Variants in ATAD1 observed in about 807,000 individuals in gnomAD.
The protein encoded by ATAD1 is outer mitochondrial transmembrane helix translocase.
ATAD1 carries 18 observed loss-of-function variants against 42.7 expected under a neutral mutation model. The observed-to-expected ratio is 0.42, with a 90% confidence interval of 0.29 to 0.63. ATAD1 has a LOEUF of 0.63. ATAD1 is among the 20% of genes least tolerant of loss of function. The probability of loss-of-function intolerance (pLI) is 0.19; values close to 1 mark genes in which losing one functional copy is unlikely to be tolerated. For missense variants in ATAD1, 294 were observed against 440.4 expected (o/e 0.67, Z 2.98); for synonymous variants, 132 against 143.1 (o/e 0.92, Z 0.55).
At chr10:87,827,126 T>G (rs1857744912) in intron 1 of ATAD1, among the ~76,000 whole-genome samples, 1 of 152,262 alleles carries the variant, frequency 6.6e-6, no homozygotes, top group Non-Finnish European at 1.5e-5. Context: ...GGATGCAGAT[T>G]ATGGCTGTTT....
intron 9 of ATAD1, among the ~76,000 whole-genome samples, chr10:87,755,770 A>T (rs562458648): frequency 2.0e-5 from 3 of 152,164 alleles, no homozygotes; most frequent in East Asian, 3.9e-4. Context: ...TTAGCCGGGC[A>T]TGGTGATGGG....
intron 5 of ATAD1, among the ~76,000 whole-genome samples, chr10:87,780,171 A>G (rs1366113288): frequency 6.6e-6 from 1 of 152,184 alleles, no homozygotes; most frequent in African/African-American, 2.4e-5. Flanking sequence ...TGTGGAGGAA[A>G]CTTAAATGCA....
At chr10:87,762,897 C>T (rs1181380718) in intron 8 of ATAD1, among the ~76,000 whole-genome samples, 2 of 94,620 alleles carry the variant, frequency 2.1e-5, no homozygotes, top group African/African-American at 4.2e-5. Context: ...GGTGAAACCC[C>T]GTCTCTACTA....
At chr10:87,767,212 T>C (rs1465606502) in intron 8 of ATAD1, among the ~76,000 whole-genome samples, 1 of 152,150 alleles carries the variant, frequency 6.6e-6, no homozygotes, top group Non-Finnish European at 1.5e-5. Context: ...CTGAGTTACA[T>C]AAGCAACCAA....
intron 1 of ATAD1, 85 bp downstream of exon 1, chr10:87,818,082 G>A (rs1857512443): frequency 4.1e-6 from 4 of 985,700 alleles, no homozygotes; most frequent in Non-Finnish European, 4.8e-6. Flanking sequence ...TCCTCCGGGG[G>A]TTCCCAGGTC....
intron 2 of ATAD1, among the ~76,000 whole-genome samples, chr10:87,798,923 A>G (rs541098673): frequency 1.3e-5 from 2 of 152,294 alleles, no homozygotes; most frequent in African/African-American, 4.8e-5. Context: ...ATGTACTTCT[A>G]TCAGCATGCC....
At chr10:87,824,109 T>C (rs1857681304) in intron 1 of ATAD1, among the ~76,000 whole-genome samples, 1 of 148,068 alleles carries the variant, frequency 6.8e-6, no homozygotes, top group African/African-American at 2.6e-5. Context: ...ATTATCATCT[T>C]GAAAAAAGAG....
Position 87,756,856 on chromosome 10 carries a change from T to G in ATAD1, c.898A>C (p.Lys300Gln). Reference protein sequence around the residue: ...ETDGFSGSDLKEMCRDAALLC... With the variant: ...ETDGFSGSDLQEMCRDAALLC... ...AGGGCAGCATCTCGACACATCTCTT[T>G]TAGGTCACTTCCTGAAAACCCATCA... Residue 300 changes from lysine (K) to glutamine (Q), a missense_variant, in exon 9 of 10, where the codon AAA becomes CAA. Transcript: ENST00000680024. 6.2e-7 allele frequency: 1 copy of G among 1,612,900 alleles called. No homozygotes were observed. The highest frequency in any genetic ancestry group is 8.5e-7 in the Non-Finnish European group (1 of 1,179,396).
At chr10:87,807,103 CTTGT>C (rs1317210494) in intron 2 of ATAD1, among the ~76,000 whole-genome samples, 2 of 152,154 alleles carry the variant, frequency 1.3e-5, no homozygotes, top group East Asian at 1.9e-4. Flanking sequence ...TGTTAATAAA[CTTGT>C]TTGTTTTTCT....
chr10:87,771,937 CATT>C (rs1855050945), intron 6 of ATAD1, among the ~76,000 whole-genome samples: 1 of 152,112 alleles, frequency 6.6e-6, no homozygotes, highest in Non-Finnish European at 1.5e-5. Context: ...ATTTCTCTAA[CATT>C]ACCTTATTTC....
At chr10:87,798,242 A>AT (rs1402529809) in intron 2 of ATAD1, among the ~76,000 whole-genome samples, 1 of 152,166 alleles carries the variant, frequency 6.6e-6, no homozygotes, top group African/African-American at 2.4e-5. Flanking sequence ...CCATCCACAC[A>AT]TAAAAACCCT....
At chr10:87,792,832 T>C (rs1856194291) in intron 2 of ATAD1, 77 bp from the exon 3 acceptor site, 1 of 1,083,352 alleles carries the variant, frequency 9.2e-7, no homozygotes, top group Non-Finnish European at 1.4e-6. Context: ...ATATGTGAAG[T>C]CTAAAGAGCA....
chr10:87,786,689 G>A (rs1855849717), intron 4 of ATAD1, among the ~76,000 whole-genome samples: 1 of 152,198 alleles, frequency 6.6e-6, no homozygotes, highest in Non-Finnish European at 1.5e-5. Flanking sequence ...CATTCCTGTG[G>A]CTCACGCCTG....
chr10:87,777,597 T>TA (rs569371222), intron 5 of ATAD1, among the ~76,000 whole-genome samples: 177 of 146,330 alleles, frequency 1.2e-3, no homozygotes, highest in South Asian at 1.9e-3. Context: ...CCTAATAATT[T>TA]AAAAAAAAAA....
At chr10:87,826,085 T>A (rs1395306229) in intron 1 of ATAD1, among the ~76,000 whole-genome samples, 1 of 152,188 alleles carries the variant, frequency 6.6e-6, no homozygotes, top group Admixed American at 6.5e-5. Flanking sequence ...AGCAGTTCAC[T>A]GGCAAGCTGA....
chr10:87,804,301 T>A (rs1051560479), intron 2 of ATAD1, among the ~76,000 whole-genome samples: 6 of 152,192 alleles, frequency 3.9e-5, no homozygotes, highest in African/African-American at 1.4e-4. Context: ...TTTCTGTGTA[T>A]AACTCGTGTA....
chr10:87,821,207 C>T (rs914963050), upstream of ATAD1, among the ~76,000 whole-genome samples: 1 of 151,944 alleles, frequency 6.6e-6, no homozygotes, highest in South Asian at 2.1e-4. Context: ...GCACTAGACA[C>T]CTGGTGGGAA....
chr10:87,803,923 TACTA>T (rs1195532594), intron 2 of ATAD1, among the ~76,000 whole-genome samples: 2 of 151,984 alleles, frequency 1.3e-5, no homozygotes, highest in African/African-American at 4.8e-5. Flanking sequence ...ACCTAGGCAA[TACTA>T]ACTGCTTGTT....
Position 87,754,756 on chromosome 10 carries a change from T to G in ATAD1, c.1017A>C (p.Ala339=). ...CCTTTGATTTCTTCATCTTTTCAATTGCCCGATGCAGGTCCTGCTGTTGAA... is the reference window on the plus strand; with the variant it reads ...CCTTTGATTTCTTCATCTTTTCAATGGCCCGATGCAGGTCCTGCTGTTGAA... The part of the protein sequence containing the change: ...RPVQQQDLHR[A]IEKMKKSKDA... The change falls in exon 10 of 10, where the codon GCA becomes GCC. Residue 339 remains alanine (A), a synonymous_variant. Transcript: ENST00000680024. 6.2e-7 allele frequency: 1 copy of G among 1,613,850 alleles called. No homozygotes were observed. The highest frequency in any genetic ancestry group is 1.7e-4 in the Middle Eastern group (1 of 6,058).
Sources: gnomAD v4.1 joint callset for allele counts (sites outside exome capture counted in the v4.1 genomes callset) on GRCh38, gnomAD v4.1.1 for gene constraint, MANE v1.5 for transcripts, NCBI Gene and HGNC (gene_info 2026-07-23, HGNC 2026-07-21) for gene names.